The following YIPF7 variants were observed in gnomAD, a reference collection of about 807,000 sequenced individuals.
YIPF7 encodes protein YIPF7.
YIPF7 carries 35 observed loss-of-function variants against 27.2 expected under a neutral mutation model. That is an observed-to-expected ratio of 1.29 (90% confidence interval 0.98 to 1.70). The LOEUF is 1.70. Ranked by LOEUF, YIPF7 falls within the 40% of genes most tolerant of loss-of-function variation. YIPF7 has a pLI of 0.00. For synonymous variants in YIPF7, 137 were observed against 110.4 expected (o/e 1.24, Z -1.51); for missense variants, 358 against 303.7 (o/e 1.18, Z -1.33).
rs371547157 is a variant in YIPF7, at chr4:44,624,665, C to T, written c.544G>A (p.Val182Met). 8.3e-5 allele frequency: 133 copies of T among 1,605,650 alleles called. No individual in the cohort carries two copies. The East Asian group carries it at 1.1e-3, about 14-fold the overall frequency. ...SGVSYGCVASVLGYCLLPMVI... is the reference protein window; with the variant it reads ...SGVSYGCVASMLGYCLLPMVI... The stretch of plus-strand genomic sequence containing the variant: ...ATGGGGAGCAGGCAGTAACCCAGCA[C>T]GCTGGCCACACAGCCGTACGACACC... The change falls in exon 5 of 6, where the codon GTG becomes ATG. Residue 182 changes from valine to methionine, a missense_variant. Val to Met is a conservative substitution (Grantham distance 21). Coordinates refer to ENST00000415895, the MANE Select transcript of YIPF7 (RefSeq NM_182592.3).
chr4:44,644,827 C>T lies in YIPF7; in HGVS notation c.116+5158G>A, dbSNP rs376278602. Among the ~76,000 whole-genome samples the T allele has an allele frequency of 5.3e-5, 8 of 152,204 alleles. No individual in the cohort carries two copies. The South Asian group carries it at 1.7e-3, about 32-fold the overall frequency. On this transcript the variant is annotated intron_variant, in intron 2 of 5. Coordinates refer to ENST00000415895, the MANE Select transcript of YIPF7 (RefSeq NM_182592.3). ...ATGAAATCCCCAGCTGGAGGTGGGG[C>T]CTAGAGGGAGGTGATTGGATCATGG... is the stretch of plus-strand genomic sequence containing the variant.
chr4:44,643,896 A>C (rs1386361684), intron 2 of YIPF7, among the ~76,000 whole-genome samples: 1 of 152,078 alleles, frequency 6.6e-6, no homozygotes, highest in Admixed American at 6.6e-5. Flanking sequence ...TGGATGTCCA[A>C]GCAGAAGCCT....
intron 2 of YIPF7, among the ~76,000 whole-genome samples, chr4:44,637,388 T>C (rs1713162912): frequency 1.3e-5 from 2 of 152,308 alleles, no homozygotes; most frequent in South Asian, 4.1e-4. Flanking sequence ...CCCTTTTCTC[T>C]ACATCCTCAT....
At position 44,629,477 on chromosome 4, in the gene YIPF7, C is replaced by T; in HGVS notation, c.352G>A (p.Gly118Ser). The change falls in exon 4 of 6, where the codon GGC becomes AGC. Residue 118 changes from glycine (G) to serine (S), a missense_variant. Physicochemically the swap from Gly to Ser is moderately conservative, Grantham distance 56. Coordinates refer to ENST00000415895, the MANE Select transcript of YIPF7 (RefSeq NM_182592.3). The stretch of plus-strand genomic sequence containing the variant: ...AGGTCCGTTTCATTCATAATGCTGC[C>T]ATCTACTGGCTTCATTGGGTTTAAC... ...TVLNPMKPVDGSIMNETDLTG... is the reference protein window; with the variant it reads ...TVLNPMKPVDSSIMNETDLTG... 1.3e-6 allele frequency: 2 copies of T among 1,594,852 alleles called. No individual in the cohort carries two copies. The highest frequency in any genetic ancestry group is 1.7e-6 in the Non-Finnish European group (2 of 1,170,138).
chr4:44,659,387 T>C (rs1395918291), intron 2 of YIPF7, among the ~76,000 whole-genome samples: 1 of 151,944 alleles, frequency 6.6e-6, no homozygotes, highest in African/African-American at 2.4e-5. Context: ...ATAATGCAAA[T>C]GATAGTATAA....
chr4:44,635,095 A>C (rs1269128144), intron 3 of YIPF7, among the ~76,000 whole-genome samples: 1 of 152,210 alleles, frequency 6.6e-6, no homozygotes, highest in Admixed American at 6.5e-5. Context: ...GTGATGTAAA[A>C]TACTGGAAAT....
chr4:44,661,034 A>C (rs1714030852), intron 1 of YIPF7, among the ~76,000 whole-genome samples: 1 of 152,242 alleles, frequency 6.6e-6, no homozygotes. Flanking sequence ...CAAAAACTAA[A>C]GCAGGAACTG....
intron 2 of YIPF7, among the ~76,000 whole-genome samples, chr4:44,642,539 A>C (rs535868795): frequency 2.6e-5 from 4 of 152,280 alleles, no homozygotes; most frequent in Admixed American, 6.5e-5. Context: ...ATGATCCAAA[A>C]AATCTGTAAA....
At chr4:44,648,297 C>T (rs1713597841) in intron 2 of YIPF7, among the ~76,000 whole-genome samples, 1 of 152,018 alleles carries the variant, frequency 6.6e-6, no homozygotes, top group Non-Finnish European at 1.5e-5. Flanking sequence ...CATCCTTAAT[C>T]TGAAAACTAG....
At chr4:44,641,771 A>G (rs1713333839) in intron 2 of YIPF7, among the ~76,000 whole-genome samples, 1 of 152,210 alleles carries the variant, frequency 6.6e-6, no homozygotes, top group African/African-American at 2.4e-5. Flanking sequence ...TTACTAACTC[A>G]AATGTATGCT....
chr4:44,631,449 C>G (rs573832410), intron 3 of YIPF7, among the ~76,000 whole-genome samples: 1 of 152,238 alleles, frequency 6.6e-6, no homozygotes, highest in Non-Finnish European at 1.5e-5. Context: ...CAGACTACAA[C>G]ATGGACTTCT....
At chr4:44,631,956 A>G (rs1397072545) in intron 3 of YIPF7, among the ~76,000 whole-genome samples, 1 of 152,162 alleles carries the variant, frequency 6.6e-6, no homozygotes, top group African/African-American at 2.4e-5. Flanking sequence ...CAGAAAATAT[A>G]ATTAGTTTGG....
intron 2 of YIPF7, among the ~76,000 whole-genome samples, chr4:44,644,942 G>C (rs1713473748): frequency 6.6e-6 from 1 of 152,090 alleles, no homozygotes; most frequent in African/African-American, 2.4e-5. Flanking sequence ...AAGATGTGCA[G>C]CACCTCCCCA....
intron 2 of YIPF7, among the ~76,000 whole-genome samples, chr4:44,647,287 G>A (rs1713560726): frequency 6.6e-6 from 1 of 152,170 alleles, no homozygotes; most frequent in Non-Finnish European, 1.5e-5. Flanking sequence ...AGTGCGTGGG[G>A]TGGGTGGATA....
intron 3 of YIPF7, among the ~76,000 whole-genome samples, chr4:44,633,461 T>C (rs1712994791): frequency 6.6e-6 from 1 of 152,094 alleles, no homozygotes; most frequent in African/African-American, 2.4e-5. Flanking sequence ...AAATAAATCC[T>C]TACTTCACAT....
intron 4 of YIPF7, 140 bp from the exon 5 acceptor site, chr4:44,624,922 A>T (rs1355405958): frequency 1.4e-6 from 1 of 726,158 alleles, no homozygotes; most frequent in African/African-American, 1.8e-5. Context: ...GGAGACTGGA[A>T]GTTCTGGGAA....
intron 1 of YIPF7, among the ~76,000 whole-genome samples, chr4:44,661,771 A>G (rs1286042502): frequency 6.6e-6 from 1 of 152,206 alleles, no homozygotes; most frequent in Non-Finnish European, 1.5e-5. Context: ...ATTCAACCAA[A>G]AGTGTTGCAG....
At chr4:44,646,780 G>A (rs6447363) in intron 2 of YIPF7, among the ~76,000 whole-genome samples, 94,610 of 151,934 alleles carry the variant, frequency 0.62, 30,240 homozygotes, top group Non-Finnish European at 0.7. Flanking sequence ...ATGAGCTCTC[G>A]TATACTGTGG....
intron 2 of YIPF7, among the ~76,000 whole-genome samples, chr4:44,642,795 C>A (rs1423481950): frequency 1.3e-5 from 2 of 152,174 alleles, no homozygotes; most frequent in African/African-American, 4.8e-5. Context: ...GCTCCTGTGC[C>A]TTCCACCATG....
Sources: allele counts gnomAD v4.1 joint callset (sites outside exome capture counted in the v4.1 genomes callset), GRCh38; gene constraint gnomAD v4.1.1; transcripts MANE v1.5; gene names NCBI Gene and HGNC (gene_info 2026-07-23, HGNC 2026-07-21).